GAB1: variants seen among roughly 807,000 people sequenced by gnomAD.
GAB1 encodes the protein GRB2-associated-binding protein 1.
In GAB1, 19 loss-of-function variants were observed where a neutral mutation model predicts 66.5. The ratio of observed to expected loss-of-function variants is 0.29; its 90% CI spans 0.20 to 0.42. The LOEUF is 0.42. GAB1 is among the 10% of genes least tolerant of loss of function. The pLI, the probability that GAB1 is intolerant of heterozygous loss-of-function variation, is 1.00. For synonymous variants in GAB1, 294 were observed against 301.4 expected, an observed-to-expected ratio of 0.98 and a Z score of 0.25; for missense variants, 732 against 858.5, an observed-to-expected ratio of 0.85 and a Z score of 1.84.
chr4:143,410,717 C>T (rs1219435594), intron 1 of GAB1, among the ~76,000 whole-genome samples: 1 of 152,178 alleles, frequency 6.6e-6, no homozygotes, highest in African/African-American at 2.4e-5. Context: ...CTATGCTTGC[C>T]TGACCAATTC....
chr4:143,450,492 T>C (rs1734861261), intron 6 of GAB1, among the ~76,000 whole-genome samples: 1 of 152,172 alleles, frequency 6.6e-6, no homozygotes, highest in Non-Finnish European at 1.5e-5. Context: ...ATAGATCACA[T>C]CTATTTAATT....
chr4:143,408,209 T>C (rs933570101), intron 1 of GAB1, among the ~76,000 whole-genome samples: 2 of 152,220 alleles, frequency 1.3e-5, no homozygotes, highest in Admixed American at 6.5e-5. Context: ...AGAGTAATAA[T>C]AAAATAGCAT....
At chr4:143,382,575 A>T (rs1379312935) in intron 1 of GAB1, among the ~76,000 whole-genome samples, 2 of 152,200 alleles carry the variant, frequency 1.3e-5, no homozygotes, top group Non-Finnish European at 2.9e-5. Context: ...CTACCTTCAA[A>T]GTCCTGTTTT....
At chr4:143,403,047 T>C (rs763345517) in intron 1 of GAB1, among the ~76,000 whole-genome samples, 15 of 152,210 alleles carry the variant, frequency 9.9e-5, no homozygotes, top group Non-Finnish European at 1.8e-4. Flanking sequence ...AGCAGATGAG[T>C]GTGTAAGTTA....
At chr4:143,379,506 A>G (rs1442400202) in intron 1 of GAB1, among the ~76,000 whole-genome samples, 1 of 152,136 alleles carries the variant, frequency 6.6e-6, no homozygotes, top group Non-Finnish European at 1.5e-5. Flanking sequence ...CAAACTATAA[A>G]GGTTAGAAAT....
At chr4:143,417,770 G>A (rs999929716) in intron 2 of GAB1, among the ~76,000 whole-genome samples, 5 of 152,030 alleles carry the variant, frequency 3.3e-5, no homozygotes, top group Admixed American at 1.3e-4. Context: ...TTAAACAAAC[G>A]CTCAACATGT....
intron 6 of GAB1, among the ~76,000 whole-genome samples, chr4:143,446,263 T>C (rs1047887697): frequency 6.6e-6 from 1 of 152,182 alleles, no homozygotes. Context: ...TACGTGTGCA[T>C]GTGTCTTTAT....
Position 143,440,345 on chromosome 4 carries a change from AC to A in GAB1, c.1554del (p.Val519TrpfsTer16). ...CAGTTCCTGTTGCAGACTGTGAACC[AC>A]CCCCCGTGGATAGGAACCTCAAGCC... ...RPVPVADCEPPPVDRNLKPDR... is the reference protein window; with the variant it reads ...RPVPVADCEPXPVDRNLKPDR... On this transcript the variant is annotated frameshift_variant, in exon 6 of 10. Coordinates refer to ENST00000262994, the MANE Select transcript of GAB1 (RefSeq NM_002039.4). LOFTEE classifies it high-confidence loss of function. 1 of 1,613,572 alleles carries A rather than the reference AC, an allele frequency of 6.2e-7. No individual in the cohort carries two copies. The highest frequency in any genetic ancestry group is 8.5e-7 in the Non-Finnish European group (1 of 1,179,744).
intron 6 of GAB1, among the ~76,000 whole-genome samples, chr4:143,454,320 A>G (rs780022552): frequency 1.3e-5 from 2 of 152,222 alleles, no homozygotes; most frequent in Admixed American, 1.3e-4. Context: ...GTAGCTGGAT[A>G]CTATGTTGTA....
rs1262078452 is a variant in GAB1, at chr4:143,433,620, A to G, written c.497A>G (p.Asn166Ser). Reference sequence around the variant, plus strand: ...CTACCTCCTCCATATCAGCTAATCAATGTTCCACCACACCTGGAAACTCTT... The same window carrying G: ...CTACCTCCTCCATATCAGCTAATCAGTGTTCCACCACACCTGGAAACTCTT... The part of the protein sequence containing the change: ...ATLPPPYQLI[N>S]VPPHLETLGI... Residue 166 changes from asparagine to serine, a missense_variant, in exon 3 of 10, where the codon AAT becomes AGT. Coordinates refer to ENST00000262994, the MANE Select transcript of GAB1 (RefSeq NM_002039.4). 1.9e-6 allele frequency: 3 copies of G among 1,613,932 alleles called. No homozygotes were observed. Among genetic ancestry groups the G allele is most frequent in the Admixed American group, 1.7e-5 (1 of 59,988 alleles).
At chr4:143,376,105 C>T (rs1306078649) in intron 1 of GAB1, among the ~76,000 whole-genome samples, 5 of 151,672 alleles carry the variant, frequency 3.3e-5, no homozygotes, top group Non-Finnish European at 5.9e-5. Flanking sequence ...GCGCCAGCAC[C>T]CCTCCCCAAC....
chr4:143,337,327 G>A (rs1382846793), intron 1 of GAB1, 67 bp downstream of exon 1: 5 of 1,399,232 alleles, frequency 3.6e-6, no homozygotes, highest in Non-Finnish European at 5.0e-6. Flanking sequence ...TCGGCTCGCC[G>A]GCGGCTGCAG....
chr4:143,418,285 C>T (rs143809283), intron 2 of GAB1, among the ~76,000 whole-genome samples: 3 of 152,324 alleles, frequency 2.0e-5, no homozygotes, highest in Non-Finnish European at 2.9e-5. Flanking sequence ...AGTTACTAAA[C>T]GTGGTCACAG....
rs569154871 is a variant in GAB1, at chr4:143,441,574, A to G, written c.1585+1192A>G. Among the ~76,000 whole-genome samples, 26 of 152,290 alleles carry G rather than the reference A, an allele frequency of 1.7e-4. 1 individual carries two copies. The South Asian group carries it at 5.0e-3, about 29-fold the overall frequency. On this transcript the variant is annotated intron_variant, in intron 6 of 9. Coordinates refer to ENST00000262994, the MANE Select transcript of GAB1 (RefSeq NM_002039.4). ...TTTCAACAGGAGGTTAACCTCCTTCAACAAGGAGGTTATCAGGAACTGAAG... is the reference window on the plus strand; with the variant it reads ...TTTCAACAGGAGGTTAACCTCCTTCGACAAGGAGGTTATCAGGAACTGAAG...
rs747397761 is a variant in GAB1, at chr4:143,460,413, A to G, written c.1729A>G (p.Thr577Ala). The G allele has an allele frequency of 2.5e-6, 4 of 1,613,642 alleles. No individual in the cohort carries two copies. Among genetic ancestry groups the G allele is most frequent in the African/African-American group, 2.7e-5 (2 of 74,902 alleles). Residue 577 changes from threonine (T) to alanine (A), a missense_variant, in exon 8 of 10, where the codon ACT (threonine) becomes GCT (alanine). This residue lies in a region of GAB1 where 204 missense variants were observed against 276.8 expected (regional missense o/e 0.74). Coordinates refer to ENST00000262994, the MANE Select transcript of GAB1 (RefSeq NM_002039.4). ...CCGACCAGATTCAGTGCATAGCACA[A>G]CTTCAAGCAGTGACTCACACGACAG... is the stretch of plus-strand genomic sequence containing the variant. ...SPRPDSVHST[T>A]SSSDSHDSEE...
intron 1 of GAB1, among the ~76,000 whole-genome samples, chr4:143,389,826 G>A (rs1731099310): frequency 6.6e-6 from 1 of 152,172 alleles, no homozygotes; most frequent in East Asian, 1.9e-4. Context: ...AGATTCTTAA[G>A]CAAAATGATT....
At chr4:143,366,220 C>A (rs544872053) in intron 1 of GAB1, among the ~76,000 whole-genome samples, 1 of 152,262 alleles carries the variant, frequency 6.6e-6, no homozygotes, top group Non-Finnish European at 1.5e-5. Context: ...TTGCGTATTT[C>A]CTTGTTGTAT....
chr4:143,457,891 C>G, intron 6 of GAB1: 1 of 598,684 alleles, frequency 1.7e-6, no homozygotes, highest in Non-Finnish European at 2.9e-6. Context: ...ATAAAACTTT[C>G]CTGCACATTA....
chr4:143,444,768 C>T (rs1367801284), intron 6 of GAB1, among the ~76,000 whole-genome samples: 5 of 152,122 alleles, frequency 3.3e-5, no homozygotes, highest in Admixed American at 2.6e-4. Flanking sequence ...CCACCTGCCT[C>T]CTTCCCCTCT....
Sources: allele counts gnomAD v4.1 joint callset (sites outside exome capture counted in the v4.1 genomes callset), GRCh38; gene constraint gnomAD v4.1.1; regional missense constraint gnomAD v4.1.1; transcripts MANE v1.5; gene names NCBI Gene and HGNC (gene_info 2026-07-23, HGNC 2026-07-21).